The following CACNG1 variants were observed in gnomAD, a reference collection of about 807,000 sequenced individuals.
CACNG1 encodes calcium voltage-gated channel auxiliary subunit gamma 1, also known as voltage-dependent calcium channel gamma-1 subunit.
In CACNG1, 21 loss-of-function variants were observed where a neutral mutation model predicts 22.0. The ratio of observed to expected loss-of-function variants is 0.95; its 90% CI spans 0.68 to 1.37. The LOEUF (loss-of-function observed/expected upper bound fraction) is 1.37, where lower values mean the gene tolerates loss of function less well. CACNG1 is among the 40% of genes most tolerant of loss of function. The pLI is 0.00. For synonymous variants in CACNG1, 127 were observed against 129.2 expected (o/e 0.98, Z 0.12); for missense variants, 291 against 308.6 (o/e 0.94, Z 0.43).
chr17:67,055,975 A>T lies in CACNG1; in HGVS notation c.443-70A>T. ...AGGTCACCGCCTCCTCCATGCACAC[A>T]GGCTGGGATGGGGCTGGTGGCTACG... On this transcript the variant is annotated intron_variant, in intron 3 of 3. Transcript: ENST00000226021. This position sits in a 1 kb window ranked among gnomAD's most constrained non-coding sequence, Gnocchi z 4.5. The T allele has an allele frequency of 7.6e-7, 1 of 1,309,980 alleles. No homozygotes were observed. The highest frequency in any genetic ancestry group is 1.8e-5 in the Admixed American group (1 of 56,374). 81.1% of individuals were successfully genotyped at this position (1,309,980 alleles called of 1,614,324 possible). A position where few individuals can be genotyped will look rare whatever the true frequency, so the allele number is the denominator to read the frequency against.
At chr17:67,052,100 C>T (rs1377399882) in intron 1 of CACNG1, among the ~76,000 whole-genome samples, 3 of 152,232 alleles carry the variant, frequency 2.0e-5, no homozygotes, top group Admixed American at 1.3e-4. Context: ...AGCAGTGATT[C>T]GAGAGATCTA....
Position 67,055,213 on chromosome 17 carries a change from C to A in CACNG1, c.415C>A (p.Pro139Thr). 6.2e-7 allele frequency: 1 copy of A among 1,614,160 alleles called. No individual in the cohort carries two copies. The highest frequency in any genetic ancestry group is 8.5e-7 in the Non-Finnish European group (1 of 1,180,006). The change falls in exon 3 of 4, where the codon CCC becomes ACC. Residue 139 changes from proline to threonine, a missense_variant. Physicochemically the swap from Pro to Thr is conservative, Grantham distance 38 (BLOSUM62 -1). Coordinates refer to ENST00000226021, the MANE Select transcript of CACNG1 (RefSeq NM_000727.4). This position sits in a 1 kb window ranked among gnomAD's most constrained non-coding sequence, Gnocchi z 4.5. ...LGKKRDYLLR[P>T]ASMFYAFAGL... ...GAAGAAGAGGGACTATCTGCTGCGACCCGCGTCCATGTTCTATGCCTTTGC... is the reference window on the plus strand; with the variant it reads ...GAAGAAGAGGGACTATCTGCTGCGAACCGCGTCCATGTTCTATGCCTTTGC...
chr17:67,054,547 C>T lies in CACNG1; in HGVS notation c.304+477C>T, dbSNP rs2143419178. Among the ~76,000 whole-genome samples the T allele has an allele frequency of 6.6e-6, 1 of 152,284 alleles. No homozygotes were observed. The highest frequency in any genetic ancestry group is 1.5e-5 in the Non-Finnish European group (1 of 67,998). Reference sequence around the variant, plus strand: ...AGACGCACACCCATTGTCGGGAGTACAGACCCGTGCCTGCCTGCGCCCAGA... The same window carrying T: ...AGACGCACACCCATTGTCGGGAGTATAGACCCGTGCCTGCCTGCGCCCAGA... On this transcript the variant is annotated intron_variant, in intron 2 of 3. Transcript: ENST00000226021. The surrounding 1 kb of genome is among the most constrained non-coding windows in gnomAD (Gnocchi z 4.6).
At chr17:67,049,599 T>C (rs1472380128) in intron 1 of CACNG1, among the ~76,000 whole-genome samples, 2 of 151,958 alleles carry the variant, frequency 1.3e-5, no homozygotes, top group South Asian at 2.1e-4. Flanking sequence ...GGTCTCATTC[T>C]ACAGGTAGGA....
rs771721845 is a variant in CACNG1, at chr17:67,055,053, C to A, written c.305-50C>A. On this transcript the variant is annotated intron_variant, in intron 2 of 3. Transcript: ENST00000226021. This position sits in a 1 kb window ranked among gnomAD's most constrained non-coding sequence, Gnocchi z 4.5. ...TGGTGTGGTCCCTAACGAGCCATGACAAGAGCTCCCATGCTGAGGCCGCAT... is the reference window on the plus strand; with the variant it reads ...TGGTGTGGTCCCTAACGAGCCATGAAAAGAGCTCCCATGCTGAGGCCGCAT... 11 of 1,581,150 alleles carry A rather than the reference C, an allele frequency of 7.0e-6. No homozygotes were observed. In the South Asian group the frequency reaches 1.2e-4, roughly 17 times the overall value.
intron 1 of CACNG1, among the ~76,000 whole-genome samples, chr17:67,046,973 T>A (rs1331617243): frequency 6.6e-6 from 1 of 151,578 alleles, no homozygotes; most frequent in East Asian, 1.9e-4. Flanking sequence ...CCCCCAGTAA[T>A]CTTCCAAAAT....
chr17:67,047,112 A>G (rs1054800014), intron 1 of CACNG1, among the ~76,000 whole-genome samples: 3 of 152,170 alleles, frequency 2.0e-5, no homozygotes, highest in Non-Finnish European at 4.4e-5. Context: ...GTGGCCCGTC[A>G]TCTATTATTA....
At chr17:67,049,783 T>G (rs2143412147) in intron 1 of CACNG1, among the ~76,000 whole-genome samples, 1 of 152,344 alleles carries the variant, frequency 6.6e-6, no homozygotes, top group Non-Finnish European at 1.5e-5. Context: ...GGAGTCCAGC[T>G]TTTGACATGG....
At chr17:67,053,723 G>A (rs1235037906) in intron 1 of CACNG1, among the ~76,000 whole-genome samples, 1 of 152,182 alleles carries the variant, frequency 6.6e-6, no homozygotes, top group Non-Finnish European at 1.5e-5. Flanking sequence ...TCTGCCTAAT[G>A]GGGTGCAGAA....
Position 67,056,754 on chromosome 17 carries a change from G to T in CACNG1, c.*483G>T. ...GGAGCCCTGGGAAGCATTTTTAACTGGGTAGAATCTGACTGTGGCTTGAAA... is the reference window on the plus strand; with the variant it reads ...GGAGCCCTGGGAAGCATTTTTAACTTGGTAGAATCTGACTGTGGCTTGAAA... On this transcript the variant is annotated 3_prime_UTR_variant, in exon 4 of 4. Transcript: ENST00000226021. This position sits in a 1 kb window ranked among gnomAD's most constrained non-coding sequence, Gnocchi z 4.3. 1 of 158,472 alleles carries T rather than the reference G, an allele frequency of 6.3e-6. No individual in the cohort carries two copies. 9.8% of individuals were successfully genotyped at this position (158,472 alleles called of 1,614,324 possible). A position where few individuals can be genotyped will look rare whatever the true frequency, so the allele number is the denominator to read the frequency against.
intron 1 of CACNG1, among the ~76,000 whole-genome samples, chr17:67,045,524 CTTTTTT>C (rs71367200): frequency 9.1e-6 from 1 of 109,700 alleles, no homozygotes; most frequent in Non-Finnish European, 1.8e-5. Context: ...CCCCCACCTT[CTTTTTT>C]TTTTTTTTTT....
chr17:67,056,069 A>T lies in CACNG1; in HGVS notation c.467A>T (p.Glu156Val). The change falls in exon 4 of 4, where the codon GAG becomes GTG. Residue 156 changes from glutamate to valine, a missense_variant. Physicochemically the swap from Glu to Val is moderately radical, Grantham distance 121. Coordinates refer to ENST00000226021, the MANE Select transcript of CACNG1 (RefSeq NM_000727.4). The surrounding 1 kb of genome is among the most constrained non-coding windows in gnomAD (Gnocchi z 4.3). The stretch of plus-strand genomic sequence containing the variant: ...GGTCTCTGCATCCTCGTCTCGGTGG[A>T]GGTCATGCGGCAGTCGGTGAAGCGC... The part of the protein sequence containing the change: ...FAGLCILVSV[E>V]VMRQSVKRMI... 1 of 1,610,284 alleles carries T rather than the reference A, an allele frequency of 6.2e-7. No homozygotes were observed. The highest frequency in any genetic ancestry group is 8.5e-7 in the Non-Finnish European group (1 of 1,179,132).
At position 67,044,563 on chromosome 17, in the gene CACNG1, T is replaced by G; in HGVS notation, c.-98T>G. 1 of 781,060 alleles carries G rather than the reference T, an allele frequency of 1.3e-6. No homozygotes were observed. The highest frequency in any genetic ancestry group is 1.7e-5 in the African/African-American group (1 of 59,310). The allele number at this position is 781,060 out of a possible 1,614,324, so 48.4% of individuals were successfully genotyped here. ...ACTAAACTTAGTGGCCACTCCCAGC[T>G]CGACAACCACTGCCACCCCCCAAGC... is the stretch of plus-strand genomic sequence containing the variant. On this transcript the variant is annotated 5_prime_UTR_variant, in exon 1 of 4. Coordinates refer to ENST00000226021, the MANE Select transcript of CACNG1 (RefSeq NM_000727.4). This position sits in a 1 kb window ranked among gnomAD's most constrained non-coding sequence, Gnocchi z 6.9.
In CACNG1 at chr17:67,054,988, C is replaced by T. The variant is rs2035751945; in HGVS notation, c.305-115C>T. 2 of 1,048,262 alleles carry T rather than the reference C, an allele frequency of 1.9e-6. No individual in the cohort carries two copies. Among genetic ancestry groups the T allele is most frequent in the Middle Eastern group, 4.3e-4 (2 of 4,606 alleles). The allele number at this position is 1,048,262 out of a possible 1,614,324, so 64.9% of individuals were successfully genotyped here. A position where few individuals can be genotyped will look rare whatever the true frequency, so the allele number is the denominator to read the frequency against. On this transcript the variant is annotated intron_variant, in intron 2 of 3. Coordinates refer to ENST00000226021, the MANE Select transcript of CACNG1 (RefSeq NM_000727.4). This position sits in a 1 kb window ranked among gnomAD's most constrained non-coding sequence, Gnocchi z 4.6. ...CAGAGACACACACTTGACACACACA[C>T]AATGACACACACAGACACTGACACA...
At chr17:67,049,722 T>C (rs921157453) in intron 1 of CACNG1, among the ~76,000 whole-genome samples, 4 of 152,124 alleles carry the variant, frequency 2.6e-5, no homozygotes, top group African/African-American at 9.7e-5. Context: ...TCACACCCTC[T>C]ATTGTGCATG....
At chr17:67,051,593 G>A (rs2035728673) in intron 1 of CACNG1, among the ~76,000 whole-genome samples, 1 of 152,198 alleles carries the variant, frequency 6.6e-6, no homozygotes, top group African/African-American at 2.4e-5. Flanking sequence ...CCTACCCACT[G>A]GAGGCCCCCT....
In CACNG1 at chr17:67,055,043, C is replaced by T. The variant is rs913300786; in HGVS notation, c.305-60C>T. The T allele has an allele frequency of 5.1e-6, 8 of 1,559,926 alleles. No homozygotes were observed. Among genetic ancestry groups the T allele is most frequent in the Non-Finnish European group, 6.1e-6 (7 of 1,144,766 alleles). On this transcript the variant is annotated intron_variant, in intron 2 of 3. Transcript: ENST00000226021. This position sits in a 1 kb window ranked among gnomAD's most constrained non-coding sequence, Gnocchi z 4.5. Reference sequence around the variant, plus strand: ...CTGTGGTGCATGGTGTGGTCCCTAACGAGCCATGACAAGAGCTCCCATGCT... The same window carrying T: ...CTGTGGTGCATGGTGTGGTCCCTAATGAGCCATGACAAGAGCTCCCATGCT...
At position 67,056,024 on chromosome 17, in the gene CACNG1, C is replaced by A; in HGVS notation, c.443-21C>A. ...CGGCAGACGCCCCTCGGTCCCTGAG[C>A]ATGCCTGGCTCTGCCCCCAGGTCTC... On this transcript the variant is annotated intron_variant, in intron 3 of 3. Coordinates refer to ENST00000226021, the MANE Select transcript of CACNG1 (RefSeq NM_000727.4). This position sits in a 1 kb window ranked among gnomAD's most constrained non-coding sequence, Gnocchi z 4.3. 6.3e-7 allele frequency: 1 copy of A among 1,594,880 alleles called. No homozygotes were observed. The highest frequency in any genetic ancestry group is 1.1e-5 in the South Asian group (1 of 90,716).
intron 1 of CACNG1, among the ~76,000 whole-genome samples, chr17:67,049,723 A>G (rs2035717691): frequency 1.3e-5 from 2 of 152,236 alleles, no homozygotes; most frequent in South Asian, 4.2e-4. Context: ...CACACCCTCT[A>G]TTGTGCATGA....
Sources: gnomAD v4.1 joint callset for allele counts (sites outside exome capture counted in the v4.1 genomes callset) on GRCh38, gnomAD v4.1.1 for gene constraint, Gnocchi (gnomAD v3.1) non-coding constraint, MANE v1.5 for transcripts, NCBI Gene and HGNC (gene_info 2026-07-23, HGNC 2026-07-21) for gene names.